Variants in WWOX observed in about 807,000 individuals in gnomAD.
WWOX encodes WW domain-containing oxidoreductase.
Under a neutral mutation model 46.2 loss-of-function variants are expected in WWOX, and 69 were observed. That is an observed-to-expected ratio of 1.49 (90% CI 1.23 to 1.82). The LOEUF (loss-of-function observed/expected upper bound fraction) is 1.82. WWOX is among the 40% of genes most tolerant of loss of function. The probability of loss-of-function intolerance (pLI) is 0.00; values close to 1 mark genes in which losing one functional copy is unlikely to be tolerated. For missense variants in WWOX, 919 were observed against 542.6 expected (o/e 1.69, Z -6.89); for synonymous variants, 359 against 202.6 (o/e 1.77, Z -6.56).
intron 8 of WWOX, among the ~76,000 whole-genome samples, chr16:79,091,630 C>G (rs1008394959): frequency 1.3e-5 from 2 of 152,116 alleles, no homozygotes; most frequent in African/African-American, 4.8e-5. Flanking sequence ...TTAAAGTACC[C>G]TCGGGCAATT....
chr16:78,427,742 C>T (rs1218111303), intron 7 of WWOX, among the ~76,000 whole-genome samples: 1 of 152,076 alleles, frequency 6.6e-6, no homozygotes, highest in Admixed American at 6.6e-5. Flanking sequence ...CATGCCACTG[C>T]ATTCCAGCCT....
At chr16:78,591,620 C>T (rs888890684) in intron 8 of WWOX, among the ~76,000 whole-genome samples, 1 of 152,200 alleles carries the variant, frequency 6.6e-6, no homozygotes, top group Non-Finnish European at 1.5e-5. Context: ...AGACGAGTTG[C>T]TTGAGTTCTC....
At chr16:79,138,652 C>G (rs1597409216) in intron 8 of WWOX, among the ~76,000 whole-genome samples, 1 of 152,188 alleles carries the variant, frequency 6.6e-6, no homozygotes, top group Non-Finnish European at 1.5e-5. Context: ...TAGAGGGGTC[C>G]TCCATGTACA....
chr16:78,742,372 T>C (rs538003569), intron 8 of WWOX, among the ~76,000 whole-genome samples: 4 of 152,320 alleles, frequency 2.6e-5, no homozygotes, highest in Admixed American at 2.6e-4. Flanking sequence ...CTTCTAGCTC[T>C]GGCTCAGGTT....
chr16:78,373,778 C>G (rs1756739316), intron 5 of WWOX, among the ~76,000 whole-genome samples: 2 of 151,984 alleles, frequency 1.3e-5, no homozygotes, highest in Admixed American at 6.6e-5. Context: ...TATTTTTAAA[C>G]TTTTCTGAGC....
intron 8 of WWOX, among the ~76,000 whole-genome samples, chr16:78,711,684 A>G (rs1324570330): frequency 6.6e-6 from 1 of 152,172 alleles, no homozygotes; most frequent in Non-Finnish European, 1.5e-5. Context: ...AGAACCTTCC[A>G]TAAGGGGACG....
chr16:78,928,582 G>A (rs914001605), intron 8 of WWOX, among the ~76,000 whole-genome samples: 7 of 152,060 alleles, frequency 4.6e-5, no homozygotes, highest in African/African-American at 1.7e-4. Context: ...TGCTTTGGGG[G>A]CCTGTTAAAA....
chr16:78,570,101 T>C (rs993809663), intron 8 of WWOX, among the ~76,000 whole-genome samples: 3 of 152,216 alleles, frequency 2.0e-5, no homozygotes, highest in Non-Finnish European at 4.4e-5. Flanking sequence ...TCTTTATTGG[T>C]AAAAGGGAGA....
At chr16:78,287,531 C>T (rs950911128) in intron 5 of WWOX, among the ~76,000 whole-genome samples, 6 of 152,180 alleles carry the variant, frequency 3.9e-5, no homozygotes, top group Non-Finnish European at 2.9e-5. Flanking sequence ...ATGCTATCAT[C>T]TCTGAGATGT....
chr16:78,960,342 C>T (rs1053878546), intron 8 of WWOX, among the ~76,000 whole-genome samples: 1 of 152,214 alleles, frequency 6.6e-6, no homozygotes, highest in African/African-American at 2.4e-5. Flanking sequence ...ATATTCAAAA[C>T]TAAGTCCGTG....
At chr16:78,666,680 G>T (rs2047339679) in intron 8 of WWOX, among the ~76,000 whole-genome samples, 1 of 152,184 alleles carries the variant, frequency 6.6e-6, no homozygotes, top group Admixed American at 6.5e-5. Context: ...CCATCGTGCA[G>T]TAAAGAGCAG....
chr16:79,119,318 A>C (rs564844175), intron 8 of WWOX, among the ~76,000 whole-genome samples: 2 of 152,334 alleles, frequency 1.3e-5, no homozygotes, highest in East Asian at 3.9e-4. Context: ...ACATTAACCC[A>C]GCATTTTGGA....
rs143146996 is a variant in WWOX at position 78,757,957 on chromosome 16, A to G, written c.1056+325205A>G. Among the ~76,000 whole-genome samples the G allele has an allele frequency of 4.8e-3, 737 of 152,008 alleles. 4 individuals carry two copies. The highest frequency in any genetic ancestry group is 0.016 in the African/African-American group (673 of 41,462). On this transcript the variant is annotated intron_variant, in intron 8 of 8. Coordinates refer to ENST00000566780, the MANE Select transcript of WWOX (RefSeq NM_016373.4). ...GGTTTCCAAATATGAGTTTGGGGGG[A>G]CACATTGATTCCACAACACTGACCT...
At chr16:79,073,187 TTATTAC>T in intron 8 of WWOX, among the ~76,000 whole-genome samples, 1 of 128,728 alleles carries the variant, frequency 7.8e-6, no homozygotes, top group East Asian at 2.0e-4. Flanking sequence ...ATTATTATTA[TTATTAC>T]TGAGACACCG....
chr16:78,586,024 G>A (rs1458499380), intron 8 of WWOX, among the ~76,000 whole-genome samples: 2 of 151,848 alleles, frequency 1.3e-5, no homozygotes, highest in East Asian at 3.9e-4. Flanking sequence ...ATAGCAAGAT[G>A]TCATCTCTAC....
chr16:79,000,750 G>C (rs1054046668), intron 8 of WWOX, among the ~76,000 whole-genome samples: 5 of 152,182 alleles, frequency 3.3e-5, no homozygotes, highest in Non-Finnish European at 7.3e-5. Context: ...ATTTGTTACA[G>C]CAGCCAGAGG....
At chr16:78,442,423 T>C (rs1212633603) in intron 8 of WWOX, among the ~76,000 whole-genome samples, 1 of 152,110 alleles carries the variant, frequency 6.6e-6, no homozygotes, top group Non-Finnish European at 1.5e-5. Context: ...CTTTGACCAC[T>C]ATCTCCCCAT....
At chr16:78,151,724 G>A (rs2034414096) in intron 4 of WWOX, among the ~76,000 whole-genome samples, 1 of 152,104 alleles carries the variant, frequency 6.6e-6, no homozygotes, top group South Asian at 2.1e-4. Context: ...TCCTATAGCA[G>A]GCATGTATGC....
chr16:78,825,116 G>C (rs954126476), intron 8 of WWOX, among the ~76,000 whole-genome samples: 3 of 152,096 alleles, frequency 2.0e-5, no homozygotes, highest in Admixed American at 2.0e-4. Flanking sequence ...CACTCGGGGA[G>C]GTCAAGTGAG....
Sources: allele counts gnomAD v4.1 joint callset (sites outside exome capture counted in the v4.1 genomes callset), GRCh38; gene constraint gnomAD v4.1.1; transcripts MANE v1.5; gene names NCBI Gene and HGNC (gene_info 2026-07-23, HGNC 2026-07-21).